SLC25A48: variants seen among roughly 807,000 people sequenced by gnomAD.
SLC25A48 encodes CTC-321K16.1.
In SLC25A48, 29 loss-of-function variants were observed where a neutral mutation model predicts 32.2. That is an observed-to-expected ratio of 0.90 (90% confidence interval 0.67 to 1.23). SLC25A48 has a LOEUF of 1.23. SLC25A48 is among the 50% of genes most tolerant of loss of function. SLC25A48 has a pLI of 0.00. For synonymous variants in SLC25A48, 164 were observed against 172.3 expected, an observed-to-expected ratio of 0.95 and a Z score of 0.38; for missense variants, 399 against 422.7, an observed-to-expected ratio of 0.94 and a Z score of 0.49.
chr5:135,613,105 T>C (rs1752109254), intron 1 of SLC25A48, among the ~76,000 whole-genome samples: 1 of 152,250 alleles, frequency 6.6e-6, no homozygotes, highest in South Asian at 2.1e-4. Flanking sequence ...GTCTTCTTAA[T>C]GATAGCCATT....
At chr5:135,622,264 TA>T (rs1337250390) in intron 1 of SLC25A48, among the ~76,000 whole-genome samples, 1 of 152,230 alleles carries the variant, frequency 6.6e-6, no homozygotes, top group African/African-American at 2.4e-5. Context: ...GAAATGCTTA[TA>T]TCAAGAGCCT....
At chr5:135,810,855 C>T (rs867195250) in intron 3 of SLC25A48, among the ~76,000 whole-genome samples, 11 of 152,276 alleles carry the variant, frequency 7.2e-5, no homozygotes, top group South Asian at 4.1e-4. Flanking sequence ...TGCCAGCACT[C>T]GCAAGGGTTC....
rs557646866 is a variant in SLC25A48 at position 135,807,793 on chromosome 5, TATC to T, written c.-520-4727_-520-4725del. On this transcript the variant is annotated intron_variant, in intron 3 of 10. Coordinates refer to the SLC25A48 transcript ENST00000646290. ...ATCATTGTGTGTTTACATTAATAAA[TATC>T]ATAGGTATTTTATGGATATCATAGT... 7.8e-3 allele frequency among the ~76,000 whole-genome samples: 1,175 copies of T among 150,658 alleles called. 6 individuals carry two copies. The highest frequency in any genetic ancestry group is 0.032 in the South Asian group (152 of 4,728).
intron 1 of SLC25A48, among the ~76,000 whole-genome samples, chr5:135,583,210 G>A (rs1252359891): frequency 6.9e-6 from 1 of 144,280 alleles, no homozygotes; most frequent in Non-Finnish European, 1.5e-5. Context: ...TTGCGTGTGT[G>A]TAGGGGTGGC....
At chr5:135,786,320 G>A (rs544823660) in intron 3 of SLC25A48, among the ~76,000 whole-genome samples, 3 of 152,178 alleles carry the variant, frequency 2.0e-5, no homozygotes, top group Admixed American at 1.3e-4. Flanking sequence ...TAATGTCTCC[G>A]TGTGTGTACA....
intron 1 of SLC25A48, among the ~76,000 whole-genome samples, chr5:135,603,940 T>C (rs1751867356): frequency 6.6e-6 from 1 of 152,068 alleles, no homozygotes; most frequent in Non-Finnish European, 1.5e-5. Flanking sequence ...CCTGCCCCCT[T>C]CCCAGGCCAG....
chr5:135,597,287 AAG>A (rs1352488806), intron 1 of SLC25A48, among the ~76,000 whole-genome samples: 1 of 152,202 alleles, frequency 6.6e-6, no homozygotes, highest in Non-Finnish European at 1.5e-5. Flanking sequence ...ACAGGGAATG[AAG>A]TACTACAAAA....
At chr5:135,599,922 A>G (rs946916195) in intron 1 of SLC25A48, among the ~76,000 whole-genome samples, 3 of 152,088 alleles carry the variant, frequency 2.0e-5, no homozygotes, top group Non-Finnish European at 2.9e-5. Context: ...GCACATAGCA[A>G]TGACCTTGGG....
intron 3 of SLC25A48, among the ~76,000 whole-genome samples, chr5:135,718,200 G>A (rs981365313): frequency 7.9e-5 from 12 of 152,130 alleles, no homozygotes; most frequent in Admixed American, 3.9e-4. Context: ...TCAGGCCTTG[G>A]TGAGGGGTGA....
chr5:135,640,514 A>G (rs1048608809), intron 3 of SLC25A48, among the ~76,000 whole-genome samples: 14 of 152,144 alleles, frequency 9.2e-5, no homozygotes, highest in African/African-American at 3.4e-4. Context: ...CGCATGATAC[A>G]ATACCTGACA....
rs553003243 is a variant in SLC25A48 at position 135,582,457 on chromosome 5, A to G, written c.-849+2860A>G. Among the ~76,000 whole-genome samples the G allele has an allele frequency of 7.9e-5, 12 of 152,214 alleles. No individual in the cohort carries two copies. In the East Asian group the frequency reaches 2.3e-3, roughly 29 times the overall value. ...CTGACAGGGTGACGAGGTGGGGACA[A>G]ATTCCTGGAGGAAAGGGCCATTGAG... On this transcript the variant is annotated intron_variant, in intron 1 of 10. Coordinates refer to the SLC25A48 transcript ENST00000646290.
intron 3 of SLC25A48, among the ~76,000 whole-genome samples, chr5:135,653,629 G>C (rs982003107): frequency 2.0e-5 from 3 of 152,186 alleles, no homozygotes; most frequent in Non-Finnish European, 4.4e-5. Flanking sequence ...TTCTCTAGAG[G>C]AGGAGGAGAC....
At chr5:135,681,557 T>C (rs1460099955) in intron 3 of SLC25A48, among the ~76,000 whole-genome samples, 1 of 152,236 alleles carries the variant, frequency 6.6e-6, no homozygotes. Context: ...TTCTTTTGAT[T>C]GATTTTTCTC....
At chr5:135,680,969 T>G (rs1015638803) in intron 3 of SLC25A48, among the ~76,000 whole-genome samples, 1 of 152,184 alleles carries the variant, frequency 6.6e-6, no homozygotes, top group East Asian at 1.9e-4. Context: ...TCTCTGTGTT[T>G]CATTTTCTTT....
At chr5:135,657,022 C>T (rs539608194) in intron 3 of SLC25A48, among the ~76,000 whole-genome samples, 1 of 152,286 alleles carries the variant, frequency 6.6e-6, no homozygotes, top group Admixed American at 6.5e-5. Flanking sequence ...GAGCAGTTTG[C>T]CTGCCCCTCC....
intron 3 of SLC25A48, among the ~76,000 whole-genome samples, chr5:135,744,268 C>T (rs1755581826): frequency 6.6e-6 from 1 of 152,144 alleles, no homozygotes; most frequent in Non-Finnish European, 1.5e-5. Flanking sequence ...CAGAGCATGC[C>T]CTCAAGCTCT....
At chr5:135,886,673 T>A (rs3042199) in intron 7 of SLC25A48, among the ~76,000 whole-genome samples, 826 of 32,396 alleles carry the variant, frequency 0.025, 19 homozygotes, top group South Asian at 0.13. Context: ...TGTGTGTGTG[T>A]GAGAGAGAGA....
chr5:135,694,233 T>G (rs563763427), intron 3 of SLC25A48, among the ~76,000 whole-genome samples: 3 of 152,276 alleles, frequency 2.0e-5, no homozygotes, highest in South Asian at 4.1e-4. Context: ...GTATGCTGTA[T>G]TAACTATTTT....
At chr5:135,820,387 C>T (rs968509696) in intron 4 of SLC25A48, among the ~76,000 whole-genome samples, 9 of 152,120 alleles carry the variant, frequency 5.9e-5, no homozygotes, top group Admixed American at 2.0e-4. Context: ...TCAGTGGTTG[C>T]TTGGAGTTGG....
Sources: gnomAD v4.1 joint callset for allele counts (sites outside exome capture counted in the v4.1 genomes callset) on GRCh38, gnomAD v4.1.1 for gene constraint, MANE v1.5 for transcripts, NCBI Gene and HGNC (gene_info 2026-07-23, HGNC 2026-07-21) for gene names.